Variants in LIMS2 observed in about 807,000 individuals in gnomAD.
LIMS2 encodes the protein LIM zinc finger domain containing 2.
A neutral mutation model predicts 45.3 loss-of-function variants in LIMS2; 30 were observed. The ratio of observed to expected loss-of-function variants is 0.66; its 90% CI spans 0.50 to 0.90. The LOEUF is 0.90. Ranked by LOEUF, LIMS2 falls within the 40% of genes least tolerant of loss-of-function variation. LIMS2 has a pLI of 0.00. For missense variants in LIMS2, 485 were observed against 468.7 expected, an observed-to-expected ratio of 1.03 and a Z score of -0.32; for synonymous variants, 173 against 188.0, an observed-to-expected ratio of 0.92 and a Z score of 0.65.
chr2:127,642,936 A>G lies in LIMS2; in HGVS notation c.496T>C (p.Cys166Arg). The change falls in exon 5 of 10, where the codon TGC becomes CGC. Residue 166 changes from cysteine (C) to arginine (R), a missense_variant. Physicochemically the swap from Cys to Arg is radical, Grantham distance 180 (BLOSUM62 -3). Transcript: ENST00000355119. The surrounding 1 kb of genome is among the most constrained non-coding windows in gnomAD (Gnocchi z 5.3). ...CTGCGCACCTACCCACAGTGGGTGC[A>G]GTTGAAGTGGTCAGGGTGGTAGGCG... The part of the protein sequence containing the change: ...SDAYHPDHFN[C>R]THCGKELTAE... 5 of 1,563,636 alleles carry G rather than the reference A, an allele frequency of 3.2e-6. No individual in the cohort carries two copies. Among genetic ancestry groups the G allele is most frequent in the Non-Finnish European group, 3.5e-6 (4 of 1,154,174 alleles).
chr2:127,651,948 C>T (rs908358944), intron 4 of LIMS2: 2 of 626,182 alleles, frequency 3.2e-6, no homozygotes, highest in Non-Finnish European at 5.7e-6. Context: ...TCGGCCACCC[C>T]TCTGCAGGGG....
In LIMS2 at chr2:127,664,583, A is replaced by C; in HGVS notation, c.12-7021T>G. On this transcript the variant is annotated intron_variant, in intron 1 of 9. Transcript: ENST00000355119. This position sits in a 1 kb window ranked among gnomAD's most constrained non-coding sequence, Gnocchi z 5.5. ...CAAAGGGCAGCAGAGTCAACTCCAA[A>C]TAGAAAGGATATTGTTCGCGCCGCG... 2 of 1,135,636 alleles carry C rather than the reference A, an allele frequency of 1.8e-6. No homozygotes were observed. Among genetic ancestry groups the C allele is most frequent in the East Asian group, 4.5e-5 (1 of 22,122 alleles). 70.3% of individuals were successfully genotyped at this position (1,135,636 alleles called of 1,614,324 possible).
chr2:127,657,308 T>C (rs1684322870), intron 2 of LIMS2, 95 bp downstream of exon 2: 9 of 1,463,710 alleles, frequency 6.1e-6, no homozygotes, highest in Middle Eastern at 3.9e-4. Flanking sequence ...CCTGGCCCTG[T>C]CACCAGTCGG....
intron 4 of LIMS2, chr2:127,646,521 C>T (rs1225614128): frequency 6.6e-6 from 1 of 152,334 alleles, no homozygotes; most frequent in Non-Finnish European, 1.5e-5. Context: ...ATTAGGCAGC[C>T]TTGACCCATA....
chr2:127,650,551 C>T (rs1419168592), intron 4 of LIMS2: 19 of 603,412 alleles, frequency 3.1e-5, no homozygotes, highest in Admixed American at 1.8e-4. Flanking sequence ...CTGACGCTCA[C>T]GCACACCAAA....
chr2:127,675,005 G>A lies in LIMS2; in HGVS notation c.11+9C>T, dbSNP rs960414997. Reference sequence around the variant, plus strand: ...TCCCCGGCCCGGGGGCGTGGGTGGGGGCCGTTACCTTCCCGTCATGGTGGC... The same window carrying A: ...TCCCCGGCCCGGGGGCGTGGGTGGGAGCCGTTACCTTCCCGTCATGGTGGC... On this transcript the variant is annotated intron_variant, in intron 1 of 9. Coordinates refer to ENST00000355119, the MANE Select transcript of LIMS2 (RefSeq NM_001161403.3). The A allele has an allele frequency of 3.3e-6, 4 of 1,229,834 alleles. No individual in the cohort carries two copies. The highest frequency in any genetic ancestry group is 4.1e-6 in the Non-Finnish European group (4 of 985,652). The allele number at this position is 1,229,834 out of a possible 1,614,324, so 76.2% of individuals were successfully genotyped here.
chr2:127,680,588 T>G (rs1015748366), intron 1 of LIMS2, among the ~76,000 whole-genome samples: 5 of 152,232 alleles, frequency 3.3e-5, no homozygotes, highest in African/African-American at 1.2e-4. Flanking sequence ...TGAGAGAAGC[T>G]GGCGGAATGT....
rs1682510156 is a variant in LIMS2, at chr2:127,642,326, G to A, written c.510-127C>T. 2 of 1,145,952 alleles carry A rather than the reference G, an allele frequency of 1.7e-6. No homozygotes were observed. Among genetic ancestry groups the A allele is most frequent in the Non-Finnish European group, 1.2e-6 (1 of 844,890 alleles). 71.0% of individuals were successfully genotyped at this position (1,145,952 alleles called of 1,614,324 possible). A position where few individuals can be genotyped will look rare whatever the true frequency, so the allele number is the denominator to read the frequency against. ...CTGTCCCTGCAGAGCCGAGGCGGCA[G>A]CGCCTTCTGATCTCTGGGCACTTTG... On this transcript the variant is annotated intron_variant, in intron 5 of 9. Transcript: ENST00000355119. This position sits in a 1 kb window ranked among gnomAD's most constrained non-coding sequence, Gnocchi z 5.3.
At position 127,651,675 on chromosome 2, in the gene LIMS2, G is replaced by A. The variant is rs956406464; in HGVS notation, c.359+2749C>T. 3.7e-6 allele frequency: 6 copies of A among 1,613,264 alleles called. No homozygotes were observed. The highest frequency in any genetic ancestry group is 1.3e-5 in the African/African-American group (1 of 74,956). Reference sequence around the variant, plus strand: ...CCACGCCCTGTGCAACTTGCTCTGTGGCAAAAGGCTCAAGGGCCCGCCCCC... The same window carrying A: ...CCACGCCCTGTGCAACTTGCTCTGTAGCAAAAGGCTCAAGGGCCCGCCCCC... On this transcript the variant is annotated intron_variant, in intron 4 of 9. Transcript: ENST00000355119.
upstream of LIMS2, among the ~76,000 whole-genome samples, chr2:127,678,736 G>A (rs1685553839): frequency 6.6e-6 from 1 of 152,124 alleles, no homozygotes; most frequent in African/African-American, 2.4e-5. The surrounding 1 kb of genome is among the most constrained non-coding windows in gnomAD (Gnocchi z 5.3). Context: ...GGACTTGCAG[G>A]TGGCCTTGCT....
intron 1 of LIMS2, among the ~76,000 whole-genome samples, chr2:127,669,508 G>C (rs1685183447): frequency 3.3e-5 from 5 of 152,012 alleles, no homozygotes; most frequent in Admixed American, 2.6e-4. Flanking sequence ...GAGGTCAGGA[G>C]TTTGAGACCA....
rs1370757911 is a variant in LIMS2 at position 127,667,636 on chromosome 2, C to T, written c.11+7378G>A. 1.3e-5 allele frequency among the ~76,000 whole-genome samples: 2 copies of T among 152,166 alleles called. No homozygotes were observed. The highest frequency in any genetic ancestry group is 4.8e-5 in the African/African-American group (2 of 41,436). ...ATGCAGAAAACACATTTGGCAAAAT[C>T]CAACATCTTTTCATAATAAAAGCAC... is the stretch of plus-strand genomic sequence containing the variant. On this transcript the variant is annotated intron_variant, in intron 1 of 9. Transcript: ENST00000355119. This position sits in a 1 kb window ranked among gnomAD's most constrained non-coding sequence, Gnocchi z 4.1.
intron 2 of LIMS2, chr2:127,655,206 G>A (rs1174552198): frequency 4.1e-6 from 2 of 490,062 alleles, no homozygotes; most frequent in Admixed American, 6.6e-5. Context: ...GGGCGAGGCG[G>A]TTTTAAGCCA....
At chr2:127,645,088 G>A (rs1415310232) in intron 4 of LIMS2, among the ~76,000 whole-genome samples, 2 of 152,096 alleles carry the variant, frequency 1.3e-5, no homozygotes, top group East Asian at 1.9e-4. Flanking sequence ...ACACACACAC[G>A]GAGCCTAAGT....
chr2:127,642,996 C>A lies in LIMS2; in HGVS notation c.436G>T (p.Val146Phe). The A allele has an allele frequency of 6.3e-7, 1 of 1,577,806 alleles. No homozygotes were observed. Among genetic ancestry groups the A allele is most frequent in the South Asian group, 1.2e-5 (1 of 86,058 alleles). The change falls in exon 5 of 10, where the codon GTC becomes TTC. Residue 146 changes from valine (V) to phenylalanine (F), a missense_variant. By Grantham distance (50) the Val-to-Phe change is conservative. Transcript: ENST00000355119. The surrounding 1 kb of genome is among the most constrained non-coding windows in gnomAD (Gnocchi z 5.3). ...GKYICQRCHL[V>F]IDEQPLMFRS... ...AACATGAGGGGCTGCTCGTCGATGA[C>A]CAGGTGGCACCGCTGGCAGATGTAC...
chr2:127,668,650 C>T (rs1269939395), intron 1 of LIMS2, among the ~76,000 whole-genome samples: 4 of 93,666 alleles, frequency 4.3e-5, no homozygotes, highest in African/African-American at 8.5e-5. Flanking sequence ...CCCTGGGTGA[C>T]AGAGTGAGAC....
At position 127,638,541 on chromosome 2, in the gene LIMS2, A is replaced by C. The variant is rs1341358825; in HGVS notation, c.*740T>G. The C allele has an allele frequency of 2.6e-5, 4 of 152,406 alleles. No homozygotes were observed. The highest frequency in any genetic ancestry group is 9.7e-5 in the African/African-American group (4 of 41,366). 9.4% of individuals were successfully genotyped at this position (152,406 alleles called of 1,614,324 possible). A position where few individuals can be genotyped will look rare whatever the true frequency, so the allele number is the denominator to read the frequency against. Reference sequence around the variant, plus strand: ...GTGGGAACAAGTCACCTCTGACCACACCTCCTCTGACGCCATCACCTCCTC... The same window carrying C: ...GTGGGAACAAGTCACCTCTGACCACCCCTCCTCTGACGCCATCACCTCCTC... On this transcript the variant is annotated 3_prime_UTR_variant, in exon 10 of 10. Transcript: ENST00000355119.
rs994659784 is a variant in LIMS2 at position 127,671,672 on chromosome 2, A to C, written c.11+3342T>G. ...CACACCACGGGACTGGACACCCTGC[A>C]GATCAGTCCCTCCATCCCTATTATG... On this transcript the variant is annotated intron_variant, in intron 1 of 9. Transcript: ENST00000355119. This position sits in a 1 kb window ranked among gnomAD's most constrained non-coding sequence, Gnocchi z 4.1. Among the ~76,000 whole-genome samples the C allele has an allele frequency of 3.9e-5, 6 of 152,216 alleles. No homozygotes were observed. The highest frequency in any genetic ancestry group is 6.5e-5 in the Admixed American group (1 of 15,288).
Position 127,642,101 on chromosome 2 carries a change from C to T in LIMS2, c.608G>A (p.Arg203Gln), listed in dbSNP as rs779326413. ...GTTGACCACTCGGCCCTCGATGGGC[C>T]GGCGGCAGGCCCCGCAGATGGGGAC... ...MGVPICGACR[R>Q]PIEGRVVNAL... Residue 203 changes from arginine (R) to glutamine (Q), a missense_variant, in exon 6 of 10, where the codon CGG becomes CAG. Physicochemically the swap from Arg to Gln is conservative, Grantham distance 43. Coordinates refer to ENST00000355119, the MANE Select transcript of LIMS2 (RefSeq NM_001161403.3). This position sits in a 1 kb window ranked among gnomAD's most constrained non-coding sequence, Gnocchi z 5.3. The T allele has an allele frequency of 2.9e-5, 47 of 1,608,996 alleles. No individual in the cohort carries two copies. The highest frequency in any genetic ancestry group is 3.7e-5 in the Non-Finnish European group (44 of 1,177,766).
Sources: gnomAD v4.1 joint callset for allele counts (sites outside exome capture counted in the v4.1 genomes callset) on GRCh38, gnomAD v4.1.1 for gene constraint, Gnocchi (gnomAD v3.1) non-coding constraint, MANE v1.5 for transcripts, NCBI Gene and HGNC (gene_info 2026-07-23, HGNC 2026-07-21) for gene names.